Variants in CDK13 observed in about 807,000 individuals in gnomAD.
CDK13 encodes the protein cyclin-dependent kinase 13.
In CDK13, 40 loss-of-function variants were observed where a neutral mutation model predicts 137.6. That is an observed-to-expected ratio of 0.29 (90% CI 0.23 to 0.38). The LOEUF (loss-of-function observed/expected upper bound fraction) is 0.38, where lower values mean the gene tolerates loss of function less well. CDK13 is among the 10% of genes least tolerant of loss of function. CDK13 has a pLI of 1.00. For missense variants in CDK13, 1,704 were observed against 1,951.8 expected, an observed-to-expected ratio of 0.87 and a Z score of 2.39; for synonymous variants, 869 against 760.1, an observed-to-expected ratio of 1.14 and a Z score of -2.36.
chr7:39,982,592 C>G (rs1255111274), intron 1 of CDK13, among the ~76,000 whole-genome samples: 2 of 152,282 alleles, frequency 1.3e-5, no homozygotes, highest in Middle Eastern at 3.4e-3. Context: ...AATCGCCACA[C>G]TGACTTCCAC....
intron 9 of CDK13, among the ~76,000 whole-genome samples, chr7:40,076,001 CAT>C (rs1213551900): frequency 6.6e-6 from 1 of 152,226 alleles, no homozygotes; most frequent in African/African-American, 2.4e-5. Context: ...CTTCTGGTAA[CAT>C]AATTTATCTT....
intron 1 of CDK13, among the ~76,000 whole-genome samples, chr7:39,976,064 G>T (rs1386177856): frequency 6.6e-6 from 1 of 152,026 alleles, no homozygotes; most frequent in African/African-American, 2.4e-5. Context: ...TTGGGAGGCC[G>T]AGATGGGCGG....
chr7:40,063,156 A>C, intron 9 of CDK13, 56 bp downstream of exon 9: 1 of 1,293,796 alleles, frequency 7.7e-7, no homozygotes, highest in East Asian at 2.3e-5. Flanking sequence ...ACTCCACAGG[A>C]AATTTAAACT....
intron 5 of CDK13, among the ~76,000 whole-genome samples, chr7:40,009,327 T>C (rs1427635329): frequency 6.6e-6 from 1 of 152,262 alleles, no homozygotes; most frequent in Non-Finnish European, 1.5e-5. Flanking sequence ...CCTTTAGGCA[T>C]TTCATTATAG....
intron 5 of CDK13, among the ~76,000 whole-genome samples, chr7:40,002,706 T>C (rs1053172633): frequency 6.6e-6 from 1 of 152,194 alleles, no homozygotes; most frequent in East Asian, 1.9e-4. Flanking sequence ...CTTTATGAGA[T>C]TTTAGAACCA....
At chr7:40,039,121 CTAATT>C (rs1785548640) in intron 5 of CDK13, among the ~76,000 whole-genome samples, 1 of 152,024 alleles carries the variant, frequency 6.6e-6, no homozygotes, top group Admixed American at 6.6e-5. Flanking sequence ...TTTTCTCCCC[CTAATT>C]TAGAGTTTTT....
At chr7:40,087,741 G>A (rs1274910567) in intron 11 of CDK13, among the ~76,000 whole-genome samples, 3 of 151,912 alleles carry the variant, frequency 2.0e-5, no homozygotes, top group East Asian at 3.9e-4. Context: ...TAGAAACGGG[G>A]TTTTGCCATG....
At chr7:40,007,367 T>C (rs1784814454) in intron 5 of CDK13, among the ~76,000 whole-genome samples, 1 of 152,230 alleles carries the variant, frequency 6.6e-6, no homozygotes, top group Non-Finnish European at 1.5e-5. Flanking sequence ...TCCTGTATAC[T>C]TGAATTGCAT....
At position 40,094,618 on chromosome 7, in the gene CDK13, C is replaced by CCTT; in HGVS notation, c.4180_4182dup (p.Ser1394dup). ...ATCTCATTCTGGTGGTCCACCTCAG[C>CCTT]CTTCTGCCTTTTCTGAGTCATTTCC... On this transcript the variant is annotated inframe_insertion, in exon 14 of 14. Coordinates refer to ENST00000181839, the MANE Select transcript of CDK13 (RefSeq NM_003718.5). 1.2e-6 allele frequency: 2 copies of CCTT among 1,613,996 alleles called. No individual in the cohort carries two copies. Among genetic ancestry groups the CCTT allele is most frequent in the Middle Eastern group, 1.6e-4 (1 of 6,062 alleles).
intron 1 of CDK13, among the ~76,000 whole-genome samples, chr7:39,966,782 G>A (rs1182199601): frequency 6.6e-6 from 1 of 152,096 alleles, no homozygotes; most frequent in Admixed American, 6.6e-5. Context: ...ATGTACAGAT[G>A]GGGTTTTGGT....
At chr7:39,982,262 G>T (rs1160434537) in intron 1 of CDK13, among the ~76,000 whole-genome samples, 1 of 150,798 alleles carries the variant, frequency 6.6e-6, no homozygotes, top group Non-Finnish European at 1.5e-5. Flanking sequence ...GAGAACATGC[G>T]GTGTTTGGTT....
Position 39,988,114 on chromosome 7 carries a change from A to T in CDK13, c.1727A>T (p.Glu576Val). 6.2e-7 allele frequency: 1 copy of T among 1,614,124 alleles called. No individual in the cohort carries two copies. The highest frequency in any genetic ancestry group is 1.1e-5 in the South Asian group (1 of 91,060). Reference sequence around the variant, plus strand: ...AGTAAATCTGCTGCTACAAAGGAGGAATCAGTATCTCTTAAAGAGAAAACC... The same window carrying T: ...AGTAAATCTGCTGCTACAAAGGAGGTATCAGTATCTCTTAAAGAGAAAACC... ...KESKSAATKE[E>V]SVSLKEKTKP... Residue 576 changes from glutamate to valine, a missense_variant, in exon 2 of 14, where the codon GAA becomes GTA. Transcript: ENST00000181839.
rs921006015 is a variant in CDK13, at chr7:40,096,904, TGAA to T, written c.*1928_*1930del. The T allele has an allele frequency of 4.5e-4, 69 of 152,088 alleles. No individual in the cohort carries two copies. Among genetic ancestry groups the T allele is most frequent in the African/African-American group, 1.5e-3 (62 of 41,450 alleles). The allele number at this position is 152,088 out of a possible 1,614,324, so 9.4% of individuals were successfully genotyped here. A position where few individuals can be genotyped will look rare whatever the true frequency, so the allele number is the denominator to read the frequency against. ...AACTTATAAACTACATTGCAGGAAA[TGAA>T]GAAATATTTTGAAATTAGCAAAATA... On this transcript the variant is annotated 3_prime_UTR_variant, in exon 14 of 14. Coordinates refer to ENST00000181839, the MANE Select transcript of CDK13 (RefSeq NM_003718.5).
chr7:40,061,442 G>A (rs1214628452), intron 7 of CDK13: 1 of 152,082 alleles, frequency 6.6e-6, no homozygotes, highest in African/African-American at 2.4e-5. Context: ...TGGCTGGATG[G>A]GGGCAGAGCA....
chr7:40,042,323 C>T (rs377025609), intron 5 of CDK13, among the ~76,000 whole-genome samples: 12 of 151,620 alleles, frequency 7.9e-5, no homozygotes, highest in Non-Finnish European at 1.3e-4. Flanking sequence ...TGAAGTGATC[C>T]GCCCACCTCG....
chr7:40,015,525 T>C (rs1784986297), intron 5 of CDK13, among the ~76,000 whole-genome samples: 1 of 152,188 alleles, frequency 6.6e-6, no homozygotes, highest in African/African-American at 2.4e-5. Context: ...AGTGATATAG[T>C]GCATGTGAAG....
chr7:39,950,920 G>T lies in CDK13; in HGVS notation c.279G>T (p.Ala93=). 7.5e-7 allele frequency: 1 copy of T among 1,328,906 alleles called. No homozygotes were observed. Among genetic ancestry groups the T allele is most frequent in the South Asian group, 2.1e-5 (1 of 48,554 alleles). 82.3% of individuals were successfully genotyped at this position (1,328,906 alleles called of 1,614,324 possible). A position where few individuals can be genotyped will look rare whatever the true frequency, so the allele number is the denominator to read the frequency against. The change falls in exon 1 of 14, where the codon GCG becomes GCT. Residue 93 remains alanine (A), a synonymous_variant. Transcript: ENST00000181839. The part of the protein sequence containing the change: ...PGPPLEVKRL[A]RGKRRAGGRQ... Reference sequence around the variant, plus strand: ...CCCCTCTGGAGGTCAAGCGGCTGGCGAGAGGCAAGAGGCGCGCAGGAGGGC... The same window carrying T: ...CCCCTCTGGAGGTCAAGCGGCTGGCTAGAGGCAAGAGGCGCGCAGGAGGGC...
chr7:40,008,686 T>TC (rs941012260), intron 5 of CDK13, among the ~76,000 whole-genome samples: 139 of 152,236 alleles, frequency 9.1e-4, no homozygotes, highest in African/African-American at 3.3e-3. Context: ...TATCTTTTTT[T>TC]CCCCTCCTAA....
intron 5 of CDK13, among the ~76,000 whole-genome samples, chr7:40,033,167 G>A (rs1244020163): frequency 6.6e-6 from 1 of 152,048 alleles, no homozygotes; most frequent in African/African-American, 2.4e-5. Context: ...TGTTGGCCTG[G>A]CTGATCTCGA....
Sources: allele counts gnomAD v4.1 joint callset (sites outside exome capture counted in the v4.1 genomes callset), GRCh38; gene constraint gnomAD v4.1.1; transcripts MANE v1.5; gene names NCBI Gene and HGNC (gene_info 2026-07-23, HGNC 2026-07-21).